ABHD17C: variants seen among roughly 807,000 people sequenced by gnomAD.
ABHD17C encodes abhydrolase domain containing 17C, depalmitoylase, also known as alpha/beta hydrolase domain-containing protein 17C.
A neutral mutation model predicts 27.9 loss-of-function variants in ABHD17C; 11 were observed. The ratio of observed to expected loss-of-function variants is 0.39; its 90% CI spans 0.25 to 0.65. The LOEUF is 0.65. Among genes scored for constraint, ABHD17C ranks in the 30% least tolerant of loss-of-function variants. ABHD17C has a pLI of 0.45. For synonymous variants in ABHD17C, 233 were observed against 209.1 expected (o/e 1.11, Z -0.98); for missense variants, 280 against 470.2 (o/e 0.60, Z 3.74).
chr15:80,740,272 T>A (rs1895192187), intron 1 of ABHD17C, among the ~76,000 whole-genome samples: 1 of 152,066 alleles, frequency 6.6e-6, no homozygotes, highest in Admixed American at 6.6e-5. Context: ...ATATCTTGAG[T>A]TCCTTAGAGG....
chr15:80,724,354 A>C (rs946268950), intron 1 of ABHD17C, among the ~76,000 whole-genome samples: 2 of 151,894 alleles, frequency 1.3e-5, no homozygotes, highest in Admixed American at 1.3e-4. Flanking sequence ...TCCAAAAAAA[A>C]CCCCTTATCA....
At chr15:80,730,082 C>G (rs928098825) in intron 1 of ABHD17C, among the ~76,000 whole-genome samples, 29 of 151,714 alleles carry the variant, frequency 1.9e-4, no homozygotes, top group African/African-American at 6.5e-4. Flanking sequence ...GCCCTCCAGC[C>G]TGGGCAACAG....
intron 1 of ABHD17C, among the ~76,000 whole-genome samples, chr15:80,731,744 T>A (rs1353309566): frequency 2.0e-5 from 3 of 152,214 alleles, no homozygotes; most frequent in African/African-American, 7.2e-5. Flanking sequence ...TGTTTTTACT[T>A]TTATAATAAA....
intron 1 of ABHD17C, among the ~76,000 whole-genome samples, chr15:80,720,792 G>T (rs1894886175): frequency 6.6e-6 from 1 of 151,762 alleles, no homozygotes; most frequent in Non-Finnish European, 1.5e-5. Flanking sequence ...GTGGTGACGG[G>T]TGCCTGTAAT....
intron 1 of ABHD17C, among the ~76,000 whole-genome samples, chr15:80,728,997 CT>C (rs1207037786): frequency 6.6e-6 from 1 of 152,192 alleles, no homozygotes; most frequent in African/African-American, 2.4e-5. Flanking sequence ...ATTGGCAAGA[CT>C]TTAAAAGCAG....
intron 1 of ABHD17C, among the ~76,000 whole-genome samples, chr15:80,741,246 G>A (rs377084198): frequency 6.6e-6 from 1 of 152,018 alleles, no homozygotes; most frequent in South Asian, 2.1e-4. Flanking sequence ...CAAGGGAGAT[G>A]CCCAGCAGCT....
At chr15:80,721,395 G>T (rs1269821020) in intron 1 of ABHD17C, among the ~76,000 whole-genome samples, 1 of 152,070 alleles carries the variant, frequency 6.6e-6, no homozygotes, top group Admixed American at 6.5e-5. Flanking sequence ...TTCCTTGTAT[G>T]TTGGTAGGTT....
chr15:80,743,177 G>C (rs1895232999), intron 1 of ABHD17C, among the ~76,000 whole-genome samples: 1 of 152,048 alleles, frequency 6.6e-6, no homozygotes, highest in African/African-American at 2.4e-5. Context: ...TTCTGGGAGG[G>C]GTAAGAATCT....
chr15:80,699,137 C>T (rs765291488), intron 1 of ABHD17C, among the ~76,000 whole-genome samples: 2 of 152,170 alleles, frequency 1.3e-5, no homozygotes, highest in African/African-American at 4.8e-5. Context: ...TACTCAGCCC[C>T]TTTGCTTGAG....
At chr15:80,705,333 T>TTGTGTGTGTGTGTGTGTGTGTGTG (rs1555421862) in intron 1 of ABHD17C, among the ~76,000 whole-genome samples, 6,204 of 106,648 alleles carry the variant, frequency 0.058, 414 homozygotes, top group Middle Eastern at 0.098. Context: ...TTCCTATGAT[T>TTGTGTGTGTGTGTGTGTGTGTGTG]TGTGTGTGTG....
chr15:80,749,497 C>T lies in ABHD17C; in HGVS notation c.591-16C>T, dbSNP rs770254264. 3.1e-6 allele frequency: 5 copies of T among 1,611,832 alleles called. No individual in the cohort carries two copies. The highest frequency in any genetic ancestry group is 2.7e-5 in the African/African-American group (2 of 74,986). Reference sequence around the variant, plus strand: ...TCATACCTTAGCTAATGGCATACAACCTCTGATTTCTCCAGGTATGGCGTG... The same window carrying T: ...TCATACCTTAGCTAATGGCATACAATCTCTGATTTCTCCAGGTATGGCGTG... On this transcript the variant is annotated splice_polypyrimidine_tract_variant and intron_variant, in intron 1 of 2. Transcript: ENST00000258884.
At chr15:80,746,769 G>A (rs1327773552) in intron 1 of ABHD17C, among the ~76,000 whole-genome samples, 2 of 152,212 alleles carry the variant, frequency 1.3e-5, no homozygotes, top group Non-Finnish European at 2.9e-5. Context: ...TGCCTCTTGG[G>A]TCGGTGCCTG....
Position 80,695,523 on chromosome 15 carries a change from A to G in ABHD17C, c.94A>G (p.Lys32Glu). The part of the protein sequence containing the change: ...CPPCPSRIAA[K>E]LAFLPPEPTY... Reference sequence around the variant, plus strand: ...GCCCTGCCCGAGCCGCATCGCCGCCAAGCTGGCCTTCCTGCCGCCCGAGCC... The same window carrying G: ...GCCCTGCCCGAGCCGCATCGCCGCCGAGCTGGCCTTCCTGCCGCCCGAGCC... Residue 32 changes from lysine (K) to glutamate (E), a missense_variant, in exon 1 of 3, where the codon AAG (lysine) becomes GAG (glutamate). By Grantham distance (56) the Lys-to-Glu change is moderately conservative (BLOSUM62 1). Transcript: ENST00000258884. This position sits in a 1 kb window ranked among gnomAD's most constrained non-coding sequence, Gnocchi z 4.3. 1 of 1,373,264 alleles carries G rather than the reference A, an allele frequency of 7.3e-7. No homozygotes were observed. Among genetic ancestry groups the G allele is most frequent in the Non-Finnish European group, 9.5e-7 (1 of 1,051,038 alleles). The allele number at this position is 1,373,264 out of a possible 1,614,324, so 85.1% of individuals were successfully genotyped here.
intron 1 of ABHD17C, among the ~76,000 whole-genome samples, chr15:80,721,383 C>T (rs539290419): frequency 6.6e-6 from 1 of 152,128 alleles, no homozygotes; most frequent in Admixed American, 6.5e-5. Context: ...ATGCTGCTAG[C>T]TTTCCTTGTA....
At chr15:80,733,681 TCA>T (rs1456826167) in intron 1 of ABHD17C, among the ~76,000 whole-genome samples, 2 of 152,162 alleles carry the variant, frequency 1.3e-5, no homozygotes, top group African/African-American at 4.8e-5. Context: ...TGTCTCAGAT[TCA>T]CAGTCATTTG....
At chr15:80,724,455 G>A (rs1381412373) in intron 1 of ABHD17C, among the ~76,000 whole-genome samples, 3 of 152,112 alleles carry the variant, frequency 2.0e-5, no homozygotes, top group Non-Finnish European at 4.4e-5. Flanking sequence ...ATGACTCAGG[G>A]TCGTCACTGT....
chr15:80,698,265 C>T (rs1340287691), intron 1 of ABHD17C, among the ~76,000 whole-genome samples: 10 of 152,134 alleles, frequency 6.6e-5, no homozygotes, highest in African/African-American at 2.2e-4. Context: ...GGGGTTTCAC[C>T]GTGTTAGCCA....
At chr15:80,718,410 G>T (rs950424825) in intron 1 of ABHD17C, among the ~76,000 whole-genome samples, 1 of 152,102 alleles carries the variant, frequency 6.6e-6, no homozygotes, top group African/African-American at 2.4e-5. Context: ...TCGGCTCACT[G>T]CAGCCTTTGC....
At chr15:80,700,516 GATAA>G (rs1479047628) in intron 1 of ABHD17C, among the ~76,000 whole-genome samples, 1 of 152,170 alleles carries the variant, frequency 6.6e-6, no homozygotes, top group Non-Finnish European at 1.5e-5. Flanking sequence ...GAGGGAAGAA[GATAA>G]ATAAGACTCT....
Sources: allele counts gnomAD v4.1 joint callset (sites outside exome capture counted in the v4.1 genomes callset), GRCh38; gene constraint gnomAD v4.1.1; non-coding constraint Gnocchi (gnomAD v3.1); transcripts MANE v1.5; gene names NCBI Gene and HGNC (gene_info 2026-07-23, HGNC 2026-07-21).